CRYBA1: variants seen among roughly 807,000 people sequenced by gnomAD.
CRYBA1 encodes the protein crystallin beta A1.
Under a neutral mutation model 36.2 loss-of-function variants are expected in CRYBA1, and 25 were observed. That is an observed-to-expected ratio of 0.69 (90% CI 0.50 to 0.97). The LOEUF is 0.97. Ranked by LOEUF, CRYBA1 falls within the 50% of genes least tolerant of loss-of-function variation. CRYBA1 has a pLI of 0.00. For synonymous variants in CRYBA1, 111 were observed against 90.0 expected (o/e 1.23, Z -1.32); for missense variants, 224 against 276.3 (o/e 0.81, Z 1.34).
intron 2 of CRYBA1, among the ~76,000 whole-genome samples, chr17:29,249,872 G>C (rs540901053): frequency 1.3e-5 from 2 of 151,732 alleles, no homozygotes; most frequent in South Asian, 4.2e-4. Flanking sequence ...GCTTATGAAG[G>C]AACTGTGGTG....
In CRYBA1 at chr17:29,254,259, C is replaced by A. The variant is rs1007251451; in HGVS notation, c.558C>A (p.Asp186Glu). ...GGTATCAGTATATCTTGGAATGTGA[C>A]CATCATGGAGGAGACTATAAACATT... ...YRGYQYILEC[D>E]HHGGDYKHWR... The change falls in exon 6 of 6, where the codon GAC (aspartate) becomes GAA (glutamate). Residue 186 changes from aspartate to glutamate, a missense_variant. Coordinates refer to ENST00000225387, the MANE Select transcript of CRYBA1 (RefSeq NM_005208.5). 3.1e-6 allele frequency: 5 copies of A among 1,614,064 alleles called. No individual in the cohort carries two copies. Among genetic ancestry groups the A allele is most frequent in the Non-Finnish European group, 4.2e-6 (5 of 1,179,990 alleles).
chr17:29,253,572 T>A, intron 4 of CRYBA1, 68 bp from the exon 5 acceptor site: 1 of 1,353,360 alleles, frequency 7.4e-7, no homozygotes, highest in Non-Finnish European at 1.0e-6. Flanking sequence ...GTTTCAATTT[T>A]GAAAAACATG....
Position 29,253,785 on chromosome 17 carries a change from A to C in CRYBA1, c.500+3A>C. The C allele has an allele frequency of 6.2e-7, 1 of 1,614,210 alleles. No homozygotes were observed. Among genetic ancestry groups the C allele is most frequent in the East Asian group, 2.2e-5 (1 of 44,886 alleles). On this transcript the variant is annotated splice_donor_region_variant and intron_variant, in intron 5 of 5. Coordinates refer to ENST00000225387, the MANE Select transcript of CRYBA1 (RefSeq NM_005208.5). Reference sequence around the variant, plus strand: ...TCCATGAAGATACAAAGTGGGGCGTAAGTACAAAAACAGGGTTGGAATATA... The same window carrying C: ...TCCATGAAGATACAAAGTGGGGCGTCAGTACAAAAACAGGGTTGGAATATA...
At position 29,249,367 on chromosome 17, in the gene CRYBA1, T is replaced by C. The variant is rs1051038569; in HGVS notation, c.96+161T>C. On this transcript the variant is annotated intron_variant, in intron 2 of 5. Coordinates refer to ENST00000225387, the MANE Select transcript of CRYBA1 (RefSeq NM_005208.5). ...CCAGTGCTGTCGAAGGAAGGATCTC[T>C]CAGGATGTCCCACTGGACAAAGGAA... Among the ~76,000 whole-genome samples the C allele has an allele frequency of 2.6e-5, 4 of 152,190 alleles. No individual in the cohort carries two copies. The East Asian group carries it at 5.8e-4, about 22-fold the overall frequency.
rs17727765 is a variant in CRYBA1 at position 29,249,944 on chromosome 17, T to C, written c.97-238T>C. 0.055 allele frequency among the ~76,000 whole-genome samples: 8,440 copies of C among 152,286 alleles called. 277 individuals carry two copies. The highest frequency in any genetic ancestry group is 0.081 in the Non-Finnish European group (5,501 of 68,014). On this transcript the variant is annotated intron_variant, in intron 2 of 5. Transcript: ENST00000225387. ...TCTAGATATTATCCCTGGCAGACCA[T>C]TTCTATCATAAACCAATCCTCCCTC...
chr17:29,249,038 A>G, intron 1 of CRYBA1, 104 bp from the exon 2 acceptor site: 1 of 807,764 alleles, frequency 1.2e-6, no homozygotes, highest in African/African-American at 1.7e-5. Flanking sequence ...ATTTCAACCA[A>G]AGTCTGTCTT....
intron 2 of CRYBA1, among the ~76,000 whole-genome samples, chr17:29,249,840 A>C (rs2068924574): frequency 6.6e-6 from 1 of 152,272 alleles, no homozygotes; most frequent in South Asian, 2.1e-4. Context: ...TGGGACTCCC[A>C]GAATCCTGGC....
Position 29,252,119 on chromosome 17 carries a change from G to C in CRYBA1, c.271G>C (p.Gly91Arg). The change falls in exon 4 of 6, where the codon GGA (glycine) becomes CGA (arginine). Residue 91 changes from glycine to arginine, a missense_variant. Transcript: ENST00000225387. ...TGGGCAACAGTTTATCCTGGAGAGAGGAGAATACCCTCGCTGGGATGCCTG... is the reference window on the plus strand; with the variant it reads ...TGGGCAACAGTTTATCCTGGAGAGACGAGAATACCCTCGCTGGGATGCCTG... ...FCGQQFILERGEYPRWDAWSG... is the reference protein window; with the variant it reads ...FCGQQFILERREYPRWDAWSG... The C allele has an allele frequency of 6.2e-7, 1 of 1,614,184 alleles. No homozygotes were observed. Among genetic ancestry groups the C allele is most frequent in the Non-Finnish European group, 8.5e-7 (1 of 1,180,028 alleles).
At chr17:29,253,303 GCTTA>G (rs967962830) in intron 4 of CRYBA1, among the ~76,000 whole-genome samples, 10 of 152,148 alleles carry the variant, frequency 6.6e-5, no homozygotes, top group African/African-American at 2.2e-4. Flanking sequence ...ACATATTTGG[GCTTA>G]CTTTTTGTAA....
intron 3 of CRYBA1, among the ~76,000 whole-genome samples, chr17:29,250,831 T>A (rs1300948789): frequency 6.6e-6 from 1 of 152,194 alleles, no homozygotes; most frequent in African/African-American, 2.4e-5. Context: ...ATGGTTAATC[T>A]TGGTGAGGGA....
chr17:29,253,279 G>A (rs372120300), intron 4 of CRYBA1, among the ~76,000 whole-genome samples: 18 of 152,234 alleles, frequency 1.2e-4, no homozygotes, highest in Non-Finnish European at 5.9e-5. Flanking sequence ...ACATACACAC[G>A]CAAGCGCACA....
At chr17:29,247,486 C>G (rs1451480532) in intron 1 of CRYBA1, among the ~76,000 whole-genome samples, 3 of 152,206 alleles carry the variant, frequency 2.0e-5, no homozygotes, top group African/African-American at 7.2e-5. Context: ...TGCATGAATG[C>G]ATGTAAAGCA....
At position 29,253,783 on chromosome 17, in the gene CRYBA1, G is replaced by A. The variant is rs775038545; in HGVS notation, c.500+1G>A. ...GCTCCATGAAGATACAAAGTGGGGC[G>A]TAAGTACAAAAACAGGGTTGGAATA... On this transcript the variant is annotated splice_donor_variant, in intron 5 of 5. Transcript: ENST00000225387. LOFTEE classifies it high-confidence loss of function. 9.9e-6 allele frequency: 16 copies of A among 1,614,052 alleles called. No individual in the cohort carries two copies. The East Asian group carries it at 1.8e-4, about 18-fold the overall frequency.
intron 4 of CRYBA1, 136 bp downstream of exon 4, chr17:29,252,341 A>G (rs1204491826): frequency 5.5e-6 from 7 of 1,264,230 alleles, no homozygotes; most frequent in Admixed American, 2.0e-5. Context: ...AAAAGAGAAA[A>G]CATCACTTTC....
rs937459272 is a variant in CRYBA1, at chr17:29,246,981, G to A, written c.31+87G>A. ...GGAGAGGGCCCAGTTCTCCTGCCTA[G>A]TGTGTAGAGCCTTCTAGGGTGGCTG... On this transcript the variant is annotated intron_variant, in intron 1 of 5. Transcript: ENST00000225387. The A allele has an allele frequency of 2.8e-6, 4 of 1,413,578 alleles. No homozygotes were observed. In the African/African-American group the frequency reaches 5.7e-5, roughly 20 times the overall value. 87.6% of individuals were successfully genotyped at this position (1,413,578 alleles called of 1,614,324 possible).
At position 29,254,414 on chromosome 17, in the gene CRYBA1, A is replaced by T. The variant is rs2068957206; in HGVS notation, c.*65A>T. On this transcript the variant is annotated 3_prime_UTR_variant, in exon 6 of 6. Transcript: ENST00000225387. ...AGACCTTGCTAAGCACTCTAGAATAAGTTTTATGTTCTGCTCACAGACATT... is the reference window on the plus strand; with the variant it reads ...AGACCTTGCTAAGCACTCTAGAATATGTTTTATGTTCTGCTCACAGACATT... The T allele has an allele frequency of 5.2e-6, 8 of 1,534,646 alleles. No individual in the cohort carries two copies. The highest frequency in any genetic ancestry group is 1.7e-4 in the Middle Eastern group (1 of 5,894).
In CRYBA1 at chr17:29,250,258, G is replaced by A. The variant is rs147994059; in HGVS notation, c.173G>A (p.Arg58His). 2,756 of 1,613,392 alleles carry A rather than the reference G, an allele frequency of 1.7e-3. 4 individuals are homozygous for A. The highest frequency in any genetic ancestry group is 2.2e-3 in the Non-Finnish European group (2,610 of 1,179,306). The change falls in exon 3 of 6, where the codon CGC becomes CAC. Residue 58 changes from arginine to histidine, a missense_variant. By Grantham distance (29) the Arg-to-His change is conservative. Transcript: ENST00000225387. ...FTSSCPNVSE[R>H]SFDNVRSLKV... ...AGCTCCTGTCCAAATGTCTCTGAGC[G>A]CAGTTTTGATAATGTCCGGTCCCTG...
At position 29,252,122 on chromosome 17, in the gene CRYBA1, G is replaced by C. The variant is rs763431195; in HGVS notation, c.274G>C (p.Glu92Gln). 1.2e-6 allele frequency: 2 copies of C among 1,614,172 alleles called. No homozygotes were observed. The highest frequency in any genetic ancestry group is 3.3e-5 in the Admixed American group (2 of 60,020). ...CGQQFILERG[E>Q]YPRWDAWSGS... is the part of the protein sequence containing the mutation. ...GCAACAGTTTATCCTGGAGAGAGGA[G>C]AATACCCTCGCTGGGATGCCTGGAG... The change falls in exon 4 of 6, where the codon GAA becomes CAA. Residue 92 changes from glutamate (E) to glutamine (Q), a missense_variant. Physicochemically the swap from Glu to Gln is conservative, Grantham distance 29. Transcript: ENST00000225387.
At chr17:29,249,255 C>A in intron 2 of CRYBA1, 49 bp downstream of exon 2, 1 of 1,275,310 alleles carries the variant, frequency 7.8e-7, no homozygotes, top group Non-Finnish European at 1.1e-6. Flanking sequence ...ACATGCTGCA[C>A]AGAGCAGGCC....
Sources: allele counts gnomAD v4.1 joint callset (sites outside exome capture counted in the v4.1 genomes callset), GRCh38; gene constraint gnomAD v4.1.1; transcripts MANE v1.5; gene names NCBI Gene and HGNC (gene_info 2026-07-23, HGNC 2026-07-21).